Variants in TTC17 observed in about 807,000 individuals in gnomAD.
TTC17 encodes the protein tetratricopeptide repeat protein 17.
TTC17 carries 58 observed loss-of-function variants against 143.8 expected under a neutral mutation model. The ratio of observed to expected loss-of-function variants is 0.40; its 90% CI spans 0.33 to 0.50. The LOEUF is 0.50. Ranked by LOEUF, TTC17 falls within the 20% of genes least tolerant of loss-of-function variation. The pLI is 0.49. For synonymous variants in TTC17, 501 were observed against 497.8 expected (o/e 1.01, Z -0.09); for missense variants, 1,273 against 1,392.5 (o/e 0.91, Z 1.37).
chr11:43,359,410 T>G, intron 1 of TTC17: 2 of 352,630 alleles, frequency 5.7e-6, no homozygotes, highest in East Asian at 5.2e-5. Context: ...GACCTTTTTT[T>G]AGCTCGGGGT....
chr11:43,363,723 T>C (rs1856210259), intron 1 of TTC17, among the ~76,000 whole-genome samples: 1 of 152,228 alleles, frequency 6.6e-6, no homozygotes, highest in Non-Finnish European at 1.5e-5. Flanking sequence ...GTGTAACTAA[T>C]GTGTGGCATT....
At chr11:43,482,236 T>C (rs941930360) in intron 21 of TTC17, among the ~76,000 whole-genome samples, 1 of 150,370 alleles carries the variant, frequency 6.7e-6, no homozygotes, top group African/African-American at 2.4e-5. Context: ...TAATTTGCTT[T>C]TCATTTTTTA....
chr11:43,410,849 T>C lies in TTC17; in HGVS notation c.2064+3272T>C, dbSNP rs1858377571. Among the ~76,000 whole-genome samples, 6 of 152,232 alleles carry C rather than the reference T, an allele frequency of 3.9e-5. No individual in the cohort carries two copies. The South Asian group carries it at 1.2e-3, about 31-fold the overall frequency. On this transcript the variant is annotated intron_variant, in intron 15 of 23. Coordinates refer to ENST00000039989, the MANE Select transcript of TTC17 (RefSeq NM_018259.6). ...AGGGGCTTCCTTCATACCTTTCTCC[T>C]GTTCTCAGGGAAAATTCAGTCCACT...
In TTC17 at chr11:43,390,117, G is replaced by A. The variant is rs530325213; in HGVS notation, c.419+296G>A. On this transcript the variant is annotated intron_variant, in intron 3 of 23. Transcript: ENST00000039989. ...CAGCCAGGAGTTTGAGACAAGGCTG[G>A]GCAATATAGCGAGACCCCATCTCTA... is the stretch of plus-strand genomic sequence containing the variant. 4.5e-3 allele frequency among the ~76,000 whole-genome samples: 689 copies of A among 152,098 alleles called. 1 individual carries two copies. The highest frequency in any genetic ancestry group is 0.016 in the African/African-American group (664 of 41,472).
At chr11:43,470,955 AT>A (rs1948080714) in intron 21 of TTC17, among the ~76,000 whole-genome samples, 4 of 152,306 alleles carry the variant, frequency 2.6e-5, no homozygotes, top group Admixed American at 2.0e-4. Context: ...AGCCTTTAAA[AT>A]ACTAGTCATT....
chr11:43,405,462 AT>A (rs1468913769), intron 11 of TTC17, 51 bp from the exon 12 acceptor site: 2 of 1,313,858 alleles, frequency 1.5e-6, no homozygotes, highest in African/African-American at 2.9e-5. Context: ...TATTTAGCAT[AT>A]TGAAATATTG....
Position 43,404,028 on chromosome 11 carries a change from A to G in TTC17, c.1363A>G (p.Met455Val). Residue 455 changes from methionine to valine, a missense_variant, in exon 11 of 24, where the codon ATG becomes GTG. Met to Val is a conservative substitution (Grantham distance 21). Transcript: ENST00000039989. ...TGAGGATTCATCAACCTCCAGTATG[A>G]TGTCTGTGAACTTTGATGTTCAATC... ...FGEDSSTSSM[M>V]SVNFDVQSNQ... 1 of 1,611,446 alleles carries G rather than the reference A, an allele frequency of 6.2e-7. No individual in the cohort carries two copies. The highest frequency in any genetic ancestry group is 8.5e-7 in the Non-Finnish European group (1 of 1,178,864).
At chr11:43,371,718 A>G (rs1158537974) in intron 1 of TTC17, among the ~76,000 whole-genome samples, 1 of 152,088 alleles carries the variant, frequency 6.6e-6, no homozygotes, top group Non-Finnish European at 1.5e-5. Flanking sequence ...CTTTCCAGGG[A>G]CCTGCCCTGA....
chr11:43,426,955 T>C (rs937517902), intron 16 of TTC17, among the ~76,000 whole-genome samples: 3 of 152,184 alleles, frequency 2.0e-5, no homozygotes, highest in African/African-American at 7.2e-5. Context: ...TTGTGTAATG[T>C]ACAAGGTCTG....
chr11:43,407,990 A>G (rs967210238), intron 15 of TTC17, among the ~76,000 whole-genome samples: 1 of 152,174 alleles, frequency 6.6e-6, no homozygotes, highest in Non-Finnish European at 1.5e-5. Context: ...AGGACAGTTC[A>G]AAGGTGGTTT....
chr11:43,394,131 G>A (rs1299749978), intron 5 of TTC17, among the ~76,000 whole-genome samples: 4 of 152,140 alleles, frequency 2.6e-5, no homozygotes, highest in Non-Finnish European at 5.9e-5. Context: ...GAACTTTGAG[G>A]AGACATAGAC....
At chr11:43,410,935 TCTA>T (rs1858382369) in intron 15 of TTC17, among the ~76,000 whole-genome samples, 1 of 152,224 alleles carries the variant, frequency 6.6e-6, no homozygotes, top group African/African-American at 2.4e-5. Flanking sequence ...TATCATTGCT[TCTA>T]CTGCTGTCCC....
intron 20 of TTC17, among the ~76,000 whole-genome samples, 161 bp downstream of exon 20, chr11:43,450,402 C>G (rs937172436): frequency 2.6e-5 from 4 of 152,224 alleles, no homozygotes; most frequent in Non-Finnish European, 4.4e-5. Context: ...TGATTTCTTT[C>G]AGGCCCTGGG....
intron 16 of TTC17, among the ~76,000 whole-genome samples, chr11:43,416,480 G>A (rs1458693436): frequency 6.6e-6 from 1 of 152,020 alleles, no homozygotes; most frequent in Non-Finnish European, 1.5e-5. Flanking sequence ...CTTAGTACAT[G>A]TAACTCATGT....
chr11:43,422,957 A>G (rs1197851614), intron 16 of TTC17, among the ~76,000 whole-genome samples: 1 of 152,352 alleles, frequency 6.6e-6, no homozygotes, highest in East Asian at 1.9e-4. Context: ...GATCCAGCAA[A>G]GTGGGAAAAA....
intron 16 of TTC17, among the ~76,000 whole-genome samples, chr11:43,442,423 G>C (rs1394543441): frequency 6.6e-6 from 1 of 152,190 alleles, no homozygotes; most frequent in Non-Finnish European, 1.5e-5. Context: ...GAGACATTTT[G>C]TTATTTGTTC....
In TTC17 at chr11:43,358,921, C is replaced by T; in HGVS notation, c.-34C>T. On this transcript the variant is annotated 5_prime_UTR_variant, in exon 1 of 24. Coordinates refer to ENST00000039989, the MANE Select transcript of TTC17 (RefSeq NM_018259.6). The stretch of plus-strand genomic sequence containing the variant: ...GGCGGGCGCCGGAGACTAGCTTCCG[C>T]TTCCGGTGTGAGCGGCCCGGCCGGG... 6.5e-7 allele frequency: 1 copy of T among 1,539,578 alleles called. No individual in the cohort carries two copies. The highest frequency in any genetic ancestry group is 8.7e-7 in the Non-Finnish European group (1 of 1,144,416).
intron 16 of TTC17, among the ~76,000 whole-genome samples, chr11:43,418,970 T>C (rs1004293351): frequency 2.6e-5 from 4 of 152,210 alleles, no homozygotes; most frequent in African/African-American, 9.6e-5. Context: ...TCGATTTTAC[T>C]TTATTTTTAA....
chr11:43,363,404 G>A (rs540072150), intron 1 of TTC17, among the ~76,000 whole-genome samples: 1 of 152,286 alleles, frequency 6.6e-6, no homozygotes, highest in East Asian at 1.9e-4. Context: ...GCTCTAGGTA[G>A]CAGCTAACAG....
Sources: allele counts gnomAD v4.1 joint callset (sites outside exome capture counted in the v4.1 genomes callset), GRCh38; gene constraint gnomAD v4.1.1; transcripts MANE v1.5; gene names NCBI Gene and HGNC (gene_info 2026-07-23, HGNC 2026-07-21).